The following YIPF6 variants were observed in gnomAD, a reference collection of about 807,000 sequenced individuals.
YIPF6 encodes the protein protein YIPF6.
YIPF6 carries 3 observed loss-of-function variants against 16.8 expected under a neutral mutation model. That is an observed-to-expected ratio of 0.18 (90% confidence interval 0.08 to 0.46). YIPF6 has a LOEUF of 0.46. YIPF6 is among the 20% of genes least tolerant of loss of function. The pLI is 0.98. For missense variants in YIPF6, 145 were observed against 184.9 expected (o/e 0.78, Z 1.25); for synonymous variants, 67 against 61.9 (o/e 1.08, Z -0.38).
In YIPF6 at chrX:68,525,666, G is replaced by A. The variant is rs756498995; in HGVS notation, c.592+2749G>A. On this transcript the variant is annotated intron_variant, in intron 6 of 6. Coordinates refer to ENST00000462683, the MANE Select transcript of YIPF6 (RefSeq NM_173834.4). ...CATCTTGAGTTAATTTTTGTATAAG[G>A]TATAAGGAAAGGGTCCAGTTTCAGT... 2.1e-3 allele frequency among the ~76,000 whole-genome samples: 234 copies of A among 111,876 alleles called. 2 individuals carry two copies. The highest frequency in any genetic ancestry group is 7.3e-3 in the African/African-American group (225 of 30,789).
At chrX:68,527,004 G>A (rs1243528288) in intron 6 of YIPF6, among the ~76,000 whole-genome samples, 1 of 111,972 alleles carries the variant, frequency 8.9e-6, no homozygotes, top group Non-Finnish European at 1.9e-5. Flanking sequence ...GAGTTAGGGA[G>A]GAATCCCTCT....
intron 1 of YIPF6, among the ~76,000 whole-genome samples, chrX:68,510,951 C>T (rs1161486226): frequency 8.9e-6 from 1 of 112,842 alleles, no homozygotes; most frequent in African/African-American, 3.2e-5. Flanking sequence ...ATTCTTTGAA[C>T]ATCCTCATTC....
intron 6 of YIPF6, among the ~76,000 whole-genome samples, chrX:68,526,980 T>C (rs1160348001): frequency 8.9e-6 from 1 of 112,008 alleles, no homozygotes; most frequent in Non-Finnish European, 1.9e-5. Context: ...AGGATGATGC[T>C]GGCCTCACGA....
At chrX:68,501,702 G>A (rs1175326280) in intron 1 of YIPF6, among the ~76,000 whole-genome samples, 1 of 112,010 alleles carries the variant, frequency 8.9e-6, no homozygotes, top group Non-Finnish European at 1.9e-5. Flanking sequence ...GTGAACAAAG[G>A]CACAGAAGTT....
intron 6 of YIPF6, among the ~76,000 whole-genome samples, chrX:68,525,913 T>C (rs1203357232): frequency 1.8e-5 from 2 of 111,995 alleles, no homozygotes; most frequent in East Asian, 5.6e-4. Context: ...GGAGGTCAGA[T>C]AGAGTGATAA....
chrX:68,510,145 A>G (rs190780450), intron 1 of YIPF6, among the ~76,000 whole-genome samples: 203 of 111,665 alleles, frequency 1.8e-3, no homozygotes, highest in African/African-American at 6.4e-3. Flanking sequence ...GTTATGATTC[A>G]GTAAAGTATC....
chrX:68,518,140 C>T (rs1007854724), intron 3 of YIPF6, among the ~76,000 whole-genome samples: 3 of 108,619 alleles, frequency 2.8e-5, no homozygotes, highest in South Asian at 8.1e-4. Flanking sequence ...AGTATGATAG[C>T]GGGTGCCTGT....
intron 1 of YIPF6, among the ~76,000 whole-genome samples, chrX:68,504,937 A>G (rs2079054157): frequency 8.9e-6 from 1 of 111,994 alleles, no homozygotes; most frequent in Non-Finnish European, 1.9e-5. Context: ...AGTGTTATTT[A>G]TCTTTATAGC....
chrX:68,531,290 A>G (rs1221457043), intron 6 of YIPF6, among the ~76,000 whole-genome samples: 1 of 110,078 alleles, frequency 9.1e-6, no homozygotes, highest in African/African-American at 3.3e-5. Context: ...ACACCTGGCT[A>G]ATTTTTGTAT....
intron 6 of YIPF6, among the ~76,000 whole-genome samples, chrX:68,526,224 G>A (rs1323509191): frequency 2.7e-5 from 3 of 111,038 alleles, no homozygotes; most frequent in East Asian, 5.7e-4. Flanking sequence ...TGGATTCCTA[G>A]GTATTTTATT....
intron 6 of YIPF6, among the ~76,000 whole-genome samples, chrX:68,524,464 T>C (rs1251923627): frequency 1.8e-5 from 2 of 109,846 alleles, no homozygotes; most frequent in Admixed American, 9.8e-5. Context: ...CCACCGCACC[T>C]GGCTGATTAT....
chrX:68,529,034 G>A (rs1466368935), intron 6 of YIPF6, among the ~76,000 whole-genome samples: 3 of 111,185 alleles, frequency 2.7e-5, no homozygotes, highest in Non-Finnish European at 5.7e-5. Context: ...GCCTTCCTAG[G>A]TTGGGGAAGT....
At chrX:68,503,781 C>T (rs1038476216) in intron 1 of YIPF6, among the ~76,000 whole-genome samples, 6 of 112,281 alleles carry the variant, frequency 5.3e-5, no homozygotes, top group Non-Finnish European at 7.5e-5. Flanking sequence ...TCCCACGTTC[C>T]GCTCAGGTTT....
intron 1 of YIPF6, among the ~76,000 whole-genome samples, chrX:68,503,149 C>T (rs924755538): frequency 3.7e-4 from 42 of 112,140 alleles, no homozygotes; most frequent in African/African-American, 1.1e-3. Flanking sequence ...ACCCCGTCAT[C>T]CACTCCTGGG....
At position 68,534,385 on chromosome X, in the gene YIPF6, ACAT is replaced by A. The variant is rs1291996968; in HGVS notation, c.*2390_*2392del. ...CGTAGCATGCCTATACATGATGTTA[ACAT>A]CATTCTCGAACAGTTGTTGGCCGAA... On this transcript the variant is annotated 3_prime_UTR_variant, in exon 7 of 7. Coordinates refer to ENST00000462683, the MANE Select transcript of YIPF6 (RefSeq NM_173834.4). 9.0e-6 allele frequency: 1 copy of A among 111,730 alleles called. No homozygotes were observed. Among genetic ancestry groups the A allele is most frequent in the Non-Finnish European group, 1.9e-5 (1 of 53,138 alleles). The allele number at this position is 111,730 out of a possible 1,213,427, so 9.2% of individuals were successfully genotyped here. A position where few individuals can be genotyped will look rare whatever the true frequency, so the allele number is the denominator to read the frequency against.
intron 6 of YIPF6, among the ~76,000 whole-genome samples, chrX:68,526,726 G>T (rs1330484504): frequency 8.9e-6 from 1 of 112,025 alleles, no homozygotes; most frequent in Non-Finnish European, 1.9e-5. Context: ...CATCTGTTGA[G>T]ATAATCATGT....
chrX:68,513,436 T>A lies in YIPF6; in HGVS notation c.265+31T>A, dbSNP rs763467323. Reference sequence around the variant, plus strand: ...TATATGAGGTTTTTAAGGGTTTGCTTAATCTATCTCACTGTACCTTATCGT... The same window carrying A: ...TATATGAGGTTTTTAAGGGTTTGCTAAATCTATCTCACTGTACCTTATCGT... On this transcript the variant is annotated intron_variant, in intron 3 of 6. Coordinates refer to ENST00000462683, the MANE Select transcript of YIPF6 (RefSeq NM_173834.4). 2.8e-6 allele frequency: 3 copies of A among 1,071,424 alleles called. No homozygotes were observed. In the South Asian group the frequency reaches 6.3e-5, roughly 22 times the overall value. The allele number at this position is 1,071,424 out of a possible 1,213,427, so 88.3% of individuals were successfully genotyped here.
chrX:68,506,736 T>G (rs1309020745), intron 1 of YIPF6, among the ~76,000 whole-genome samples: 1 of 111,170 alleles, frequency 9.0e-6, no homozygotes, highest in African/African-American at 3.3e-5. Context: ...AAGAAATTTT[T>G]TTTTGATTTT....
intron 6 of YIPF6, among the ~76,000 whole-genome samples, chrX:68,527,921 G>A (rs1569328422): frequency 9.0e-6 from 1 of 111,283 alleles, no homozygotes. Context: ...CAATTATGTG[G>A]TCAATTTTAG....
Sources: gnomAD v4.1 joint callset for allele counts (sites outside exome capture counted in the v4.1 genomes callset) on GRCh38, gnomAD v4.1.1 for gene constraint, MANE v1.5 for transcripts, NCBI Gene and HGNC (gene_info 2026-07-23, HGNC 2026-07-21) for gene names.